Variants in TBC1D22B observed in about 807,000 individuals in gnomAD.
TBC1D22B encodes the protein TBC1 domain family member 22B.
In TBC1D22B, 32 loss-of-function variants were observed where a neutral mutation model predicts 69.1. The observed-to-expected ratio is 0.46, with a 90% CI of 0.35 to 0.62. The LOEUF is 0.62. Among genes scored for constraint, TBC1D22B ranks in the 20% least tolerant of loss-of-function variants. TBC1D22B has a pLI of 0.00. For synonymous variants in TBC1D22B, 206 were observed against 229.8 expected (o/e 0.90, Z 0.94); for missense variants, 462 against 630.9 (o/e 0.73, Z 2.87).
chr6:37,327,716 T>G (rs1768469656), intron 12 of TBC1D22B, among the ~76,000 whole-genome samples: 1 of 152,052 alleles, frequency 6.6e-6, no homozygotes. Context: ...GTTGAATAAC[T>G]GGTCTGGTTG....
intron 9 of TBC1D22B, 140 bp from the exon 10 acceptor site, chr6:37,313,676 C>A: frequency 1.2e-6 from 1 of 804,486 alleles, no homozygotes; most frequent in African/African-American, 1.7e-5. Context: ...CTGTAGATTT[C>A]TTTGTTTCCC....
chr6:37,328,780 G>A (rs1768502318), intron 12 of TBC1D22B, among the ~76,000 whole-genome samples: 1 of 152,112 alleles, frequency 6.6e-6, no homozygotes, highest in Non-Finnish European at 1.5e-5. Context: ...AGGCTGGAGT[G>A]TAATGGCGTG....
intron 6 of TBC1D22B, among the ~76,000 whole-genome samples, chr6:37,284,748 T>G (rs1276569803): frequency 1.3e-5 from 2 of 152,224 alleles, no homozygotes; most frequent in East Asian, 3.9e-4. Context: ...CTAGAGATTA[T>G]GAGAAAATGC....
At chr6:37,302,801 C>A (rs1767607374) in intron 8 of TBC1D22B, among the ~76,000 whole-genome samples, 1 of 152,176 alleles carries the variant, frequency 6.6e-6, no homozygotes, top group Non-Finnish European at 1.5e-5. Flanking sequence ...AGCTAGGCTG[C>A]ACATAACAGG....
At chr6:37,281,257 T>C (rs75963385) in intron 3 of TBC1D22B, among the ~76,000 whole-genome samples, 1,806 of 152,346 alleles carry the variant, frequency 0.012, 30 homozygotes, top group African/African-American at 0.038. Flanking sequence ...AAAATAGTTA[T>C]ACATTCCTAC....
chr6:37,302,294 C>T (rs1395659744), intron 8 of TBC1D22B, among the ~76,000 whole-genome samples: 2 of 152,162 alleles, frequency 1.3e-5, no homozygotes, highest in Non-Finnish European at 2.9e-5. Context: ...CTAGTGGTGA[C>T]AGTGCTGCAG....
intron 1 of TBC1D22B, among the ~76,000 whole-genome samples, chr6:37,263,074 G>A (rs1461456121): frequency 6.6e-6 from 1 of 152,212 alleles, no homozygotes; most frequent in African/African-American, 2.4e-5. Flanking sequence ...TCTAGCTTAA[G>A]TGGAGGCCTA....
chr6:37,325,904 T>TG (rs1768385835), intron 12 of TBC1D22B, among the ~76,000 whole-genome samples: 1 of 151,766 alleles, frequency 6.6e-6, no homozygotes, highest in Non-Finnish European at 1.5e-5. Flanking sequence ...GGGCTAGAGG[T>TG]GGGGATGTTG....
At chr6:37,298,230 A>G (rs888196486) in intron 8 of TBC1D22B, among the ~76,000 whole-genome samples, 1 of 152,230 alleles carries the variant, frequency 6.6e-6, no homozygotes, top group Non-Finnish European at 1.5e-5. Flanking sequence ...AGAAGTGTTA[A>G]CAAACACACA....
chr6:37,291,260 A>G lies in TBC1D22B; in HGVS notation c.885A>G (p.Leu295=), dbSNP rs773140760. The G allele has an allele frequency of 1.9e-6, 3 of 1,613,038 alleles. No individual in the cohort carries two copies. Among genetic ancestry groups the G allele is most frequent in the African/African-American group, 2.7e-5 (2 of 74,836 alleles). Residue 295 remains leucine (L), a synonymous_variant, in exon 8 of 13, where the codon CTA becomes CTG. Transcript: ENST00000373491. ...PLVQEIFERI[L]FIWAIRHPAS... is the part of the protein sequence containing the mutation. ...TTTCCTAGATCTTTGAAAGAATTCT[A>G]TTTATTTGGGCCATCCGCCACCCTG... is the stretch of plus-strand genomic sequence containing the variant.
intron 8 of TBC1D22B, among the ~76,000 whole-genome samples, chr6:37,303,141 G>A (rs1011556457): frequency 6.6e-6 from 1 of 152,194 alleles, no homozygotes; most frequent in Non-Finnish European, 1.5e-5. Context: ...GGCACACCTA[G>A]CAGCAAGTGA....
chr6:37,271,038 C>T (rs954667096), intron 2 of TBC1D22B, among the ~76,000 whole-genome samples: 5 of 152,152 alleles, frequency 3.3e-5, no homozygotes, highest in Middle Eastern at 3.4e-3. Context: ...TACTGCCAGG[C>T]GCAGTGGCTC....
intron 2 of TBC1D22B, among the ~76,000 whole-genome samples, chr6:37,276,903 A>T (rs1304130065): frequency 1.3e-5 from 2 of 151,606 alleles, no homozygotes; most frequent in Non-Finnish European, 2.9e-5. Flanking sequence ...AACAAACAAA[A>T]ATATATATAT....
chr6:37,258,079 T>A, intron 1 of TBC1D22B, 106 bp downstream of exon 1: 1 of 1,311,040 alleles, frequency 7.6e-7, no homozygotes, highest in Non-Finnish European at 1.0e-6. Flanking sequence ...GAAGACTGGT[T>A]TGGGGAAGCT....
chr6:37,316,570 G>A, intron 10 of TBC1D22B, 133 bp from the exon 11 acceptor site: 1 of 928,984 alleles, frequency 1.1e-6, no homozygotes, highest in African/African-American at 1.6e-5. Flanking sequence ...ACAGTCAGAT[G>A]GCTGTCTGCC....
At chr6:37,303,284 C>T (rs1429106035) in intron 8 of TBC1D22B, among the ~76,000 whole-genome samples, 1 of 152,138 alleles carries the variant, frequency 6.6e-6, no homozygotes, top group Non-Finnish European at 1.5e-5. Flanking sequence ...TGGCTCTTCT[C>T]CTTCCCTTAC....
chr6:37,293,117 G>A (rs1052519921), intron 8 of TBC1D22B, among the ~76,000 whole-genome samples: 36 of 149,510 alleles, frequency 2.4e-4, no homozygotes, highest in African/African-American at 7.5e-4. Flanking sequence ...TCGCTCTGTC[G>A]CCCAGGCTGG....
rs1562045768 is a variant in TBC1D22B at position 37,279,295 on chromosome 6, T to C, written c.114-9T>C. The C allele has an allele frequency of 6.3e-7, 1 of 1,587,518 alleles. No individual in the cohort carries two copies. Among genetic ancestry groups the C allele is most frequent in the East Asian group, 2.2e-5 (1 of 44,558 alleles). On this transcript the variant is annotated splice_polypyrimidine_tract_variant and intron_variant, in intron 2 of 12. Transcript: ENST00000373491. ...CCATTCCTTGGTAATCGTGTCTCCT[T>C]TCTTGAAGTTTCATTAAAGAACGAT...
At chr6:37,275,711 A>G (rs966356252) in intron 2 of TBC1D22B, among the ~76,000 whole-genome samples, 4 of 152,220 alleles carry the variant, frequency 2.6e-5, no homozygotes, top group African/African-American at 9.6e-5. Context: ...GGGTCTGGTG[A>G]GTATTCAATA....
Sources: gnomAD v4.1 joint callset for allele counts (sites outside exome capture counted in the v4.1 genomes callset) on GRCh38, gnomAD v4.1.1 for gene constraint, MANE v1.5 for transcripts, NCBI Gene and HGNC (gene_info 2026-07-23, HGNC 2026-07-21) for gene names.